THOC5: variants seen among roughly 807,000 people sequenced by gnomAD.
THOC5 encodes Fms-interacting protein.
In THOC5, 43 loss-of-function variants were observed where a neutral mutation model predicts 92.9. The ratio of observed to expected loss-of-function variants is 0.46; its 90% CI spans 0.36 to 0.60. THOC5 has a LOEUF of 0.60. Among genes scored for constraint, THOC5 ranks in the 20% least tolerant of loss-of-function variants. The pLI, the probability that THOC5 is intolerant of heterozygous loss-of-function variation, is 0.00. For synonymous variants in THOC5, 296 were observed against 320.1 expected (o/e 0.92, Z 0.80); for missense variants, 659 against 849.4 (o/e 0.78, Z 2.79).
intron 5 of THOC5, among the ~76,000 whole-genome samples, chr22:29,540,001 C>T (rs1027229301): frequency 6.6e-6 from 1 of 152,180 alleles, no homozygotes; most frequent in Non-Finnish European, 1.5e-5. Context: ...GAAATTCTGC[C>T]AGGCGCGGTG....
At chr22:29,545,141 T>A in intron 2 of THOC5, 1 of 409,236 alleles carries the variant, frequency 2.4e-6, no homozygotes, top group Non-Finnish European at 4.8e-6. Flanking sequence ...AAGAGAAAAA[T>A]GAGGAGGAAG....
At position 29,549,140 on chromosome 22, in the gene THOC5, G is replaced by A; in HGVS notation, c.8C>T (p.Ser3Leu). Residue 3 changes from serine to leucine, a missense_variant, in exon 2 of 20, where the codon TCA (serine) becomes TTA (leucine). Ser to Leu is a moderately radical substitution (Grantham distance 145). Coordinates refer to ENST00000490103, the MANE Select transcript of THOC5 (RefSeq NM_003678.5). MS[S>L]ESSKKRKPKV... The stretch of plus-strand genomic sequence containing the variant: ...GGGCTTCCGTTTTTTGCTCGATTCT[G>A]ATGACATGGTTGTTCCTCCTGTTAA... 13 of 1,614,104 alleles carry A rather than the reference G, an allele frequency of 8.1e-6. No homozygotes were observed. Among genetic ancestry groups the A allele is most frequent in the Non-Finnish European group, 1.1e-5 (13 of 1,180,004 alleles).
chr22:29,539,818 G>A (rs2066271263), intron 5 of THOC5, among the ~76,000 whole-genome samples: 1 of 151,980 alleles, frequency 6.6e-6, no homozygotes, highest in Non-Finnish European at 1.5e-5. Flanking sequence ...AGGCTGTAGG[G>A]TTGAAAGCAA....
chr22:29,552,694 G>C (rs186057843), intron 1 of THOC5, among the ~76,000 whole-genome samples: 2,180 of 152,154 alleles, frequency 0.014, 82 homozygotes, highest in South Asian at 0.13. Flanking sequence ...CCCCTTCTGG[G>C]AGGTGAGGAG....
chr22:29,551,909 C>G (rs2064156769), intron 1 of THOC5, among the ~76,000 whole-genome samples: 1 of 151,394 alleles, frequency 6.6e-6, no homozygotes, highest in Non-Finnish European at 1.5e-5. Context: ...CCTCAGCCTG[C>G]CGAGTGCCTG....
chr22:29,552,020 C>T (rs2064161810), intron 1 of THOC5, among the ~76,000 whole-genome samples: 2 of 152,182 alleles, frequency 1.3e-5, no homozygotes, highest in South Asian at 2.1e-4. Flanking sequence ...CTCCTGACCG[C>T]GAGTGATCGG....
intron 5 of THOC5, 85 bp from the exon 6 acceptor site, chr22:29,539,561 T>A: frequency 1.4e-6 from 2 of 1,446,014 alleles, no homozygotes; most frequent in South Asian, 2.5e-5. Flanking sequence ...CCCCAACATA[T>A]GCCTGCTTAG....
intron 19 of THOC5, among the ~76,000 whole-genome samples, chr22:29,508,970 G>C (rs1355058615): frequency 6.6e-6 from 1 of 151,988 alleles, no homozygotes; most frequent in African/African-American, 2.4e-5. Flanking sequence ...TTTAGGTTGA[G>C]GTTTAGTTTA....
Position 29,542,891 on chromosome 22 carries a change from T to C in THOC5, c.420A>G (p.Leu140=), listed in dbSNP as rs377492022. 45 of 1,613,314 alleles carry C rather than the reference T, an allele frequency of 2.8e-5. No homozygotes were observed. The African/African-American group carries it at 4.1e-4, about 15-fold the overall frequency. The change falls in exon 5 of 20, where the codon CTA becomes CTG. Residue 140 remains leucine, a synonymous_variant. Coordinates refer to ENST00000490103, the MANE Select transcript of THOC5 (RefSeq NM_003678.5). ...CCAAACATTTGGTGATCTCCTTCTG[T>C]AGGTGCATCACCTCATACAACAGGT... is the stretch of plus-strand genomic sequence containing the variant. ...LQNLLYEVMH[L]QKEITKCLEF...
At chr22:29,547,168 A>C (rs888109928) in intron 2 of THOC5, among the ~76,000 whole-genome samples, 3 of 151,880 alleles carry the variant, frequency 2.0e-5, no homozygotes, top group Non-Finnish European at 4.4e-5. Flanking sequence ...ATGGTTTGCT[A>C]CTTAGAAATT....
chr22:29,511,459 C>G (rs974911791), intron 18 of THOC5, 163 bp from the exon 19 acceptor site: 4 of 667,408 alleles, frequency 6.0e-6, no homozygotes, highest in Non-Finnish European at 9.9e-6. Context: ...GTCCTCAGGC[C>G]CCCTCATCAA....
intron 17 of THOC5, among the ~76,000 whole-genome samples, chr22:29,514,656 C>T (rs954900653): frequency 2.6e-5 from 4 of 151,316 alleles, no homozygotes; most frequent in Admixed American, 6.6e-5. Flanking sequence ...CCCACTTATT[C>T]GTCTAAATTT....
At position 29,506,026 on chromosome 22, in the gene THOC5, A is replaced by C. The variant is rs1029514799; in HGVS notation, c.*2431T>G. On this transcript the variant is annotated 3_prime_UTR_variant, in exon 20 of 20. Transcript: ENST00000490103. Reference sequence around the variant, plus strand: ...AGGCGCGCACCACCATGCCCAGCTAATTTTTGTATTTTTAGTAGAGACGGG... The same window carrying C: ...AGGCGCGCACCACCATGCCCAGCTACTTTTTGTATTTTTAGTAGAGACGGG... 4 of 151,876 alleles carry C rather than the reference A, an allele frequency of 2.6e-5. No individual in the cohort carries two copies. The highest frequency in any genetic ancestry group is 9.7e-5 in the African/African-American group (4 of 41,318). The allele number at this position is 151,876 out of a possible 1,614,324, so 9.4% of individuals were successfully genotyped here.
intron 17 of THOC5, among the ~76,000 whole-genome samples, chr22:29,513,704 A>AT (rs2063273689): frequency 6.6e-6 from 1 of 152,010 alleles, no homozygotes; most frequent in African/African-American, 2.4e-5. Context: ...AAATAAATAA[A>AT]AAGTGCTTTC....
rs2063234608 is a variant in THOC5, at chr22:29,512,057, T to G, written c.1761A>C (p.Lys587Asn). The G allele has an allele frequency of 6.2e-7, 1 of 1,614,016 alleles. No individual in the cohort carries two copies. The highest frequency in any genetic ancestry group is 1.1e-5 in the South Asian group (1 of 91,092). ...CATCGTTGCTGTTGGTTTTCTCCCC[T>G]TTCCAGTTCAAACAGAGCTGGAAAA... ...PPVFQLCLNW[K>N]GEKTNSNDDN... The change falls in exon 18 of 20, where the codon AAA (lysine) becomes AAC (asparagine). Residue 587 changes from lysine to asparagine, a missense_variant. Transcript: ENST00000490103.
chr22:29,533,044 GAA>G (rs2063687288), intron 7 of THOC5, among the ~76,000 whole-genome samples: 1 of 152,156 alleles, frequency 6.6e-6, no homozygotes, highest in Non-Finnish European at 1.5e-5. Flanking sequence ...CCTGAGAAAT[GAA>G]AAGTCTAAAA....
intron 1 of THOC5, among the ~76,000 whole-genome samples, chr22:29,552,067 G>A (rs546286811): frequency 1.3e-5 from 2 of 152,282 alleles, no homozygotes; most frequent in Non-Finnish European, 2.9e-5. Flanking sequence ...GATTGCAGAC[G>A]GAGTCTCGTT....
chr22:29,552,394 G>A (rs1252308797), intron 1 of THOC5, among the ~76,000 whole-genome samples: 3 of 149,782 alleles, frequency 2.0e-5, no homozygotes, highest in Non-Finnish European at 4.4e-5. Flanking sequence ...CCTCTGCCCC[G>A]CCGCCCCGTC....
At chr22:29,524,524 G>A (rs1174848049) in intron 12 of THOC5, among the ~76,000 whole-genome samples, 2 of 152,166 alleles carry the variant, frequency 1.3e-5, no homozygotes, top group Non-Finnish European at 2.9e-5. Flanking sequence ...CCTGAGAAAT[G>A]AACAAGCAGA....
Sources: gnomAD v4.1 joint callset for allele counts (sites outside exome capture counted in the v4.1 genomes callset) on GRCh38, gnomAD v4.1.1 for gene constraint, MANE v1.5 for transcripts, NCBI Gene and HGNC (gene_info 2026-07-23, HGNC 2026-07-21) for gene names.